Variants in USP42 observed in about 807,000 individuals in gnomAD.
The protein encoded by USP42 is ubiquitin specific peptidase 42, also known as ubiquitin carboxyl-terminal hydrolase 42.
Under a neutral mutation model 113.0 loss-of-function variants are expected in USP42, and 23 were observed. The observed-to-expected ratio is 0.20, with a 90% CI of 0.15 to 0.29. USP42 has a LOEUF of 0.29. Among genes scored for constraint, USP42 ranks in the 10% least tolerant of loss-of-function variants. The pLI, the probability that USP42 is intolerant of heterozygous loss-of-function variation, is 1.00. For synonymous variants in USP42, 933 were observed against 699.0 expected, an observed-to-expected ratio of 1.33 and a Z score of -5.28; for missense variants, 2,174 against 1,779.8, an observed-to-expected ratio of 1.22 and a Z score of -3.99.
chr7:6,116,874 C>G (rs1175819800), intron 3 of USP42: 1 of 531,970 alleles, frequency 1.9e-6, no homozygotes, highest in East Asian at 5.5e-5. Context: ...AAACCCAGCA[C>G]TAGCACCTGG....
the USP42 span, among the ~76,000 whole-genome samples, chr7:6,082,189 C>T: frequency 6.6e-5 from 10 of 150,824 alleles, no homozygotes; most frequent in African/African-American, 2.2e-4. Flanking sequence ...AGTGCAGTGG[C>T]GCGATCTCGG....
At chr7:6,132,696 G>T (rs1195053984) in intron 3 of USP42, among the ~76,000 whole-genome samples, 2 of 151,558 alleles carry the variant, frequency 1.3e-5, no homozygotes, top group Non-Finnish European at 2.9e-5. Context: ...TTTTGAGACG[G>T]AGTTTTGCTC....
intron 3 of USP42, among the ~76,000 whole-genome samples, chr7:6,119,876 TG>T (rs1780117628): frequency 6.6e-6 from 1 of 152,164 alleles, no homozygotes; most frequent in Non-Finnish European, 1.5e-5. Context: ...GCTAATTTTT[TG>T]TTTTTTTGTA....
At chr7:6,107,560 C>T (rs1439163919) in intron 1 of USP42, among the ~76,000 whole-genome samples, 2 of 152,028 alleles carry the variant, frequency 1.3e-5, no homozygotes, top group South Asian at 2.1e-4. Context: ...CAGGCATGCG[C>T]CACCACGCCT....
chr7:6,109,376 G>A (rs763020968), intron 1 of USP42, among the ~76,000 whole-genome samples: 1 of 152,138 alleles, frequency 6.6e-6, no homozygotes, highest in African/African-American at 2.4e-5. Flanking sequence ...CTCCTGAAAG[G>A]TGTTCTTTCT....
chr7:6,139,003 A>G lies in USP42; in HGVS notation c.554-89A>G. 1.2e-6 allele frequency: 1 copy of G among 808,876 alleles called. No individual in the cohort carries two copies. The highest frequency in any genetic ancestry group is 1.9e-6 in the Non-Finnish European group (1 of 524,044). 50.1% of individuals were successfully genotyped at this position (808,876 alleles called of 1,614,324 possible). A position where few individuals can be genotyped will look rare whatever the true frequency, so the allele number is the denominator to read the frequency against. ...GTAAGTATTTGGGAGTTTTCCAACC[A>G]ACATATTATTATAAGATATATTTTG... On this transcript the variant is annotated intron_variant, in intron 4 of 17. Coordinates refer to ENST00000306177, the MANE Select transcript of USP42 (RefSeq NM_032172.3). The surrounding 1 kb of genome is among the most constrained non-coding windows in gnomAD (Gnocchi z 4.5).
chr7:6,152,645 A>T (rs1394854523), intron 14 of USP42, among the ~76,000 whole-genome samples: 1 of 152,012 alleles, frequency 6.6e-6, no homozygotes. Flanking sequence ...CGGCCAGGGG[A>T]CTCTGGCCTC....
chr7:6,141,733 T>A (rs969297183), intron 7 of USP42, among the ~76,000 whole-genome samples: 2 of 152,144 alleles, frequency 1.3e-5, no homozygotes, highest in African/African-American at 4.8e-5. Flanking sequence ...TTGCATTTTC[T>A]GAATTCCTAA....
chr7:6,108,002 T>C (rs547543561), intron 1 of USP42, among the ~76,000 whole-genome samples: 1 of 152,228 alleles, frequency 6.6e-6, no homozygotes, highest in Admixed American at 6.5e-5. Context: ...CTGGCCAACA[T>C]AGTGAAACCC....
chr7:6,114,672 ATATATATTTTTTTTTTTT>A (rs1253683671), intron 2 of USP42, among the ~76,000 whole-genome samples: 1 of 33,740 alleles, frequency 3.0e-5, no homozygotes, highest in Non-Finnish European at 4.9e-5. Flanking sequence ...ATATATATAT[ATATATATTTTTTTTTTTT>A]TTTTTTTTTT....
In USP42 at chr7:6,158,658, C is replaced by T. The variant is rs570181024; in HGVS notation, c.3944-792C>T. Reference sequence around the variant, plus strand: ...CAGGCACCAGCACTGCCGGTGAGGACGGGTTGCCTGCGGGCCTTGTAGACG... The same window carrying T: ...CAGGCACCAGCACTGCCGGTGAGGATGGGTTGCCTGCGGGCCTTGTAGACG... On this transcript the variant is annotated intron_variant, in intron 16 of 17. Transcript: ENST00000306177. This position sits in a 1 kb window ranked among gnomAD's most constrained non-coding sequence, Gnocchi z 4.2. Among the ~76,000 whole-genome samples, 8 of 152,284 alleles carry T rather than the reference C, an allele frequency of 5.3e-5. No homozygotes were observed. The East Asian group carries it at 9.7e-4, about 18-fold the overall frequency.
the USP42 span, among the ~76,000 whole-genome samples, chr7:6,097,549 A>G: frequency 6.6e-6 from 1 of 150,424 alleles, no homozygotes; most frequent in Non-Finnish European, 1.5e-5. Context: ...TGTGATTACA[A>G]GCATAAGCCA....
intron 1 of USP42, among the ~76,000 whole-genome samples, chr7:6,108,998 C>T (rs1312834909): frequency 1.3e-5 from 2 of 152,192 alleles, no homozygotes; most frequent in African/African-American, 4.8e-5. Flanking sequence ...TGGTAGAGAA[C>T]AGCAAGTAAA....
chr7:6,104,426 G>T (rs969740440), upstream of USP42, among the ~76,000 whole-genome samples: 1 of 152,244 alleles, frequency 6.6e-6, no homozygotes, highest in African/African-American at 2.4e-5. Context: ...GCGTCCGCTA[G>T]GCCAAGGGAG....
At chr7:6,108,209 C>CA (rs1395473947) in intron 1 of USP42, among the ~76,000 whole-genome samples, 1 of 152,008 alleles carries the variant, frequency 6.6e-6, no homozygotes, top group Non-Finnish European at 1.5e-5. Flanking sequence ...AACAAACAAA[C>CA]AAAAAAATTA....
chr7:6,090,739 C>CTA, the USP42 span, among the ~76,000 whole-genome samples: 21 of 144,614 alleles, frequency 1.5e-4, no homozygotes, highest in South Asian at 1.7e-3. Context: ...ACAAAACTAA[C>CTA]TATATATATA....
In USP42 at chr7:6,154,421, G is replaced by T; in HGVS notation, c.2867G>T (p.Arg956Leu). 6.3e-7 allele frequency: 1 copy of T among 1,575,544 alleles called. No individual in the cohort carries two copies. The highest frequency in any genetic ancestry group is 2.4e-5 in the East Asian group (1 of 42,392). Residue 956 changes from arginine (R) to leucine (L), a missense_variant, in exon 15 of 18, where the codon CGG (arginine) becomes CTG (leucine). By Grantham distance (102) the Arg-to-Leu change is moderately radical (BLOSUM62 -2). Coordinates refer to ENST00000306177, the MANE Select transcript of USP42 (RefSeq NM_032172.3). ...GTGGACCGAGGCCACTACCGCAGCC[G>T]GAGAGAGCGCTCGTCCAGCGGGGAG... ...RKVDRGHYRS[R>L]RERSSSGEPA...
chr7:6,099,256 C>A, the USP42 span, among the ~76,000 whole-genome samples: 1 of 139,572 alleles, frequency 7.2e-6, no homozygotes. Context: ...GTTCTGTTGC[C>A]CAGGCTGGAG....
At position 6,149,779 on chromosome 7, in the gene USP42, A is replaced by G. The variant is rs1174796338; in HGVS notation, c.1583A>G (p.Asn528Ser). 4.3e-6 allele frequency: 7 copies of G among 1,613,924 alleles called. No homozygotes were observed. Among genetic ancestry groups the G allele is most frequent in the Non-Finnish European group, 5.1e-6 (6 of 1,179,912 alleles). ...CAAAAAATTACAATCAGTATTCACA[A>G]CAAGTTGCCTGTTCGCCAGTGTCAG... Reference protein sequence around the residue: ...KKQKITISIHNKLPVRQCQSQ... With the variant: ...KKQKITISIHSKLPVRQCQSQ... The change falls in exon 13 of 18, where the codon AAC (asparagine) becomes AGC (serine). Residue 528 changes from asparagine to serine, a missense_variant. By Grantham distance (46) the Asn-to-Ser change is conservative. Transcript: ENST00000306177.
Sources: gnomAD v4.1 joint callset for allele counts (sites outside exome capture counted in the v4.1 genomes callset) on GRCh38, gnomAD v4.1.1 for gene constraint, Gnocchi (gnomAD v3.1) non-coding constraint, MANE v1.5 for transcripts, NCBI Gene and HGNC (gene_info 2026-07-23, HGNC 2026-07-21) for gene names.